The following SMAD7 variants were observed in gnomAD, a reference collection of about 807,000 sequenced individuals.
SMAD7 encodes MAD (mothers against decapentaplegic, Drosophila) homolog 7.
In SMAD7, 8 loss-of-function variants were observed where a neutral mutation model predicts 38.7. The observed-to-expected ratio is 0.21, with a 90% confidence interval of 0.12 to 0.37. The LOEUF (loss-of-function observed/expected upper bound fraction) is 0.37. SMAD7 is among the 10% of genes least tolerant of loss of function. The pLI is 1.00. For synonymous variants in SMAD7, 327 were observed against 265.1 expected (o/e 1.23, Z -2.27); for missense variants, 477 against 577.9 (o/e 0.83, Z 1.79).
At chr18:48,927,054 C>T (rs2069937106) in intron 3 of SMAD7, among the ~76,000 whole-genome samples, 1 of 152,202 alleles carries the variant, frequency 6.6e-6, no homozygotes, top group Admixed American at 6.5e-5. Context: ...GGGGCTGTCT[C>T]TAATCCACCA....
chr18:48,927,932 G>A lies in SMAD7; in HGVS notation c.743-6022C>T, dbSNP rs1355987894. ...GGTGAGGCACAAGTCACTGGCCGAA[G>A]TGCAGAGCTGCAATTCAAGCCCAGA... On this transcript the variant is annotated intron_variant, in intron 3 of 3. Transcript: ENST00000262158. 2.0e-5 allele frequency among the ~76,000 whole-genome samples: 3 copies of A among 152,232 alleles called. No homozygotes were observed. In the East Asian group the frequency reaches 5.8e-4, roughly 29 times the overall value.
chr18:48,948,189 A>G (rs2070217678), intron 2 of SMAD7, among the ~76,000 whole-genome samples, 195 bp downstream of exon 2: 1 of 152,230 alleles, frequency 6.6e-6, no homozygotes, highest in Non-Finnish European at 1.5e-5. Flanking sequence ...AAGCATATCA[A>G]GGGAACGTCT....
Position 48,950,251 on chromosome 18 carries a change from A to G in SMAD7, c.174T>C (p.Ala58=), listed in dbSNP as rs978922430. 22 of 1,514,906 alleles carry G rather than the reference A, an allele frequency of 1.5e-5. 1 individual carries two copies. Among genetic ancestry groups the G allele is most frequent in the Admixed American group, 2.0e-5 (1 of 48,796 alleles). The allele number at this position is 1,514,906 out of a possible 1,614,324, so 93.8% of individuals were successfully genotyped here. ...HGAGGGGPGR[A]GCCLGKAVRG... is the part of the protein sequence containing the mutation. Reference sequence around the variant, plus strand: ...GCACCGCCTTGCCCAGGCAGCATCCAGCCCTGCCCGGGCCGCCGCCACCGG... The same window carrying G: ...GCACCGCCTTGCCCAGGCAGCATCCGGCCCTGCCCGGGCCGCCGCCACCGG... The change falls in exon 1 of 4, where the codon GCT becomes GCC. Residue 58 remains alanine, a synonymous_variant. Coordinates refer to ENST00000262158, the MANE Select transcript of SMAD7 (RefSeq NM_005904.4).
At chr18:48,929,723 T>TG (rs1276300769) in intron 3 of SMAD7, among the ~76,000 whole-genome samples, 1 of 151,996 alleles carries the variant, frequency 6.6e-6, no homozygotes, top group Non-Finnish European at 1.5e-5. Flanking sequence ...GGGGGCTCTG[T>TG]GTGTGCAAGA....
rs1277403888 is a variant in SMAD7 at position 48,921,868 on chromosome 18, C to A, written c.785G>T (p.Cys262Phe). 1 of 1,612,508 alleles carries A rather than the reference C, an allele frequency of 6.2e-7. No individual in the cohort carries two copies. Among genetic ancestry groups the A allele is most frequent in the Admixed American group, 1.7e-5 (1 of 59,962 alleles). The change falls in exon 4 of 4, where the codon TGC (cysteine) becomes TTC (phenylalanine). Residue 262 changes from cysteine (C) to phenylalanine (F), a missense_variant. Cys to Phe is a radical substitution (Grantham distance 205, BLOSUM62 -2). Transcript: ENST00000262158. The surrounding 1 kb of genome is among the most constrained non-coding windows in gnomAD (Gnocchi z 6.4). ...CTTCTCCTCCCAGTATGCCACCACG[C>A]ACCAGTGTGACCGATCCCCAGGCTC... ...LLEPGDRSHW[C>F]VVAYWEEKTR...
chr18:48,948,600 A>G, intron 1 of SMAD7, 163 bp from the exon 2 acceptor site: 1 of 492,786 alleles, frequency 2.0e-6, no homozygotes. Flanking sequence ...GCTGTCAGAT[A>G]AACAAAAGAG....
chr18:48,942,600 A>G (rs778028453), intron 2 of SMAD7, 45 bp from the exon 3 acceptor site: 3 of 1,613,130 alleles, frequency 1.9e-6, no homozygotes, highest in Non-Finnish European at 2.5e-6. Flanking sequence ...TACACAAATA[A>G]AAACACCAAG....
chr18:48,944,224 T>G (rs1029578194), intron 2 of SMAD7, among the ~76,000 whole-genome samples: 3 of 152,178 alleles, frequency 2.0e-5, no homozygotes, highest in African/African-American at 7.2e-5. Flanking sequence ...TCCTCCCAGA[T>G]GGAAGACACC....
At chr18:48,948,667 G>A (rs868088392) in intron 1 of SMAD7, among the ~76,000 whole-genome samples, 6 of 152,252 alleles carry the variant, frequency 3.9e-5, no homozygotes, top group Non-Finnish European at 4.4e-5. Flanking sequence ...CGCAGCCGCC[G>A]CGCTCGGCTG....
chr18:48,921,621 G>T lies in SMAD7; in HGVS notation c.1032C>A (p.Ser344=). The T allele has an allele frequency of 6.2e-7, 1 of 1,612,994 alleles. No individual in the cohort carries two copies. The change falls in exon 4 of 4, where the codon TCC becomes TCA. Residue 344 remains serine (S), a synonymous_variant. Transcript: ENST00000262158. The surrounding 1 kb of genome is among the most constrained non-coding windows in gnomAD (Gnocchi z 6.4). ...TGGAGTCCGGGTTGTCCAGTGTGGC[G>T]GACTTGATGAAGATGGGGTAACTGC... ...NRSSYPIFIK[S]ATLDNPDSRT...
Position 48,949,822 on chromosome 18 carries a change from G to A in SMAD7, c.603C>T (p.Leu201=). 1 of 1,608,710 alleles carries A rather than the reference G, an allele frequency of 6.2e-7. No homozygotes were observed. Among genetic ancestry groups the A allele is most frequent in the Non-Finnish European group, 8.5e-7 (1 of 1,177,380 alleles). ...GGGACAACTTCTCACCTAGTTCGCAGAGTCGGCTAAGGTGATGGGGGTTGC... is the reference window on the plus strand; with the variant it reads ...GGGACAACTTCTCACCTAGTTCGCAAAGTCGGCTAAGGTGATGGGGGTTGC... The part of the protein sequence containing the change: ...VCCNPHHLSR[L]CELESPPPPY... The change falls in exon 1 of 4, where the codon CTC becomes CTT. Residue 201 remains leucine (L), a synonymous_variant. Transcript: ENST00000262158.
intron 3 of SMAD7, among the ~76,000 whole-genome samples, chr18:48,923,292 G>A (rs1259393680): frequency 1.3e-5 from 2 of 152,148 alleles, no homozygotes; most frequent in Non-Finnish European, 2.9e-5. Flanking sequence ...TGTGTTTCTG[G>A]AGTAACTGGG....
At position 48,946,109 on chromosome 18, in the gene SMAD7, G is replaced by A. The variant is rs139579730; in HGVS notation, c.667+2275C>T. 2.2e-4 allele frequency among the ~76,000 whole-genome samples: 34 copies of A among 152,262 alleles called. 1 individual carries two copies. The East Asian group carries it at 6.6e-3, about 29-fold the overall frequency. ...GTCTCCAAAGGCTGCAGGGTACCAG[G>A]CCCCAGCCCCATTCCCACCACCTTT... On this transcript the variant is annotated intron_variant, in intron 2 of 3. Transcript: ENST00000262158.
intron 2 of SMAD7, among the ~76,000 whole-genome samples, chr18:48,946,004 C>T (rs948866588): frequency 2.0e-5 from 3 of 152,186 alleles, no homozygotes; most frequent in African/African-American, 7.2e-5. Flanking sequence ...ACCTAGGTGT[C>T]TAAAGTCCAG....
intron 3 of SMAD7, among the ~76,000 whole-genome samples, chr18:48,926,175 G>A (rs2069925964): frequency 6.6e-6 from 1 of 152,244 alleles, no homozygotes; most frequent in Admixed American, 6.5e-5. Context: ...CAGAGAGGCA[G>A]AGCAGCTCCA....
chr18:48,927,323 T>G (rs1280913489), intron 3 of SMAD7, among the ~76,000 whole-genome samples: 1 of 151,788 alleles, frequency 6.6e-6, no homozygotes, highest in Non-Finnish European at 1.5e-5. Flanking sequence ...TTTTTTTTTT[T>G]CATGCTTTGC....
At chr18:48,948,533 G>T in intron 1 of SMAD7, 96 bp from the exon 2 acceptor site, 4 of 863,192 alleles carry the variant, frequency 4.6e-6, no homozygotes, top group Non-Finnish European at 5.4e-6. Flanking sequence ...CCAACTGTTT[G>T]TCTTAGCTGT....
At chr18:48,945,229 G>A (rs557777566) in intron 2 of SMAD7, among the ~76,000 whole-genome samples, 44 of 152,110 alleles carry the variant, frequency 2.9e-4, no homozygotes, top group Non-Finnish European at 5.6e-4. Context: ...GGGAAGCAGA[G>A]GTGGGCAGAT....
intron 3 of SMAD7, among the ~76,000 whole-genome samples, chr18:48,937,319 G>A (rs1399591201): frequency 7.4e-6 from 1 of 134,528 alleles, no homozygotes; most frequent in African/African-American, 2.8e-5. Context: ...GGAAGTGAGG[G>A]GCAATCAGCA....
Sources: gnomAD v4.1 joint callset for allele counts (sites outside exome capture counted in the v4.1 genomes callset) on GRCh38, gnomAD v4.1.1 for gene constraint, Gnocchi (gnomAD v3.1) non-coding constraint, MANE v1.5 for transcripts, NCBI Gene and HGNC (gene_info 2026-07-23, HGNC 2026-07-21) for gene names.